C1orf74: variants seen among roughly 807,000 people sequenced by gnomAD.
C1orf74 encodes the protein UPF0739 protein C1orf74.
C1orf74 carries 5 observed loss-of-function variants against 7.3 expected under a neutral mutation model. The observed-to-expected ratio is 0.68, with a 90% CI of 0.36 to 1.44. The LOEUF is 1.44. C1orf74 is among the 40% of genes most tolerant of loss of function. The pLI is 0.04. For synonymous variants in C1orf74, 121 were observed against 132.5 expected (o/e 0.91, Z 0.59); for missense variants, 291 against 314.3 (o/e 0.93, Z 0.56).
In C1orf74 at chr1:209,782,879, A is replaced by C. The variant is rs758472952; in HGVS notation, c.756T>G (p.Phe252Leu). The C allele has an allele frequency of 1.2e-6, 2 of 1,614,046 alleles. No individual in the cohort carries two copies. Among genetic ancestry groups the C allele is most frequent in the African/African-American group, 2.7e-5 (2 of 74,924 alleles). The change falls in exon 2 of 2, where the codon TTT (phenylalanine) becomes TTG (leucine). Residue 252 changes from phenylalanine to leucine, a missense_variant. By Grantham distance (22) the Phe-to-Leu change is conservative. Coordinates refer to ENST00000294811, the MANE Select transcript of C1orf74 (RefSeq NM_152485.4). Reference sequence around the variant, plus strand: ...TCTCAGAGGAGATGCTGAGATCAGCAAAGTCATTCTGAGTCCTAAATCGGG... The same window carrying C: ...TCTCAGAGGAGATGCTGAGATCAGCCAAGTCATTCTGAGTCCTAAATCGGG... ...LRTRFRTQND[F>L]ADLSISSEIV...
rs2102520305 is a variant in C1orf74, at chr1:209,780,094, A to G, written c.*2731T>C. On this transcript the variant is annotated 3_prime_UTR_variant, in exon 2 of 2. Coordinates refer to ENST00000294811, the MANE Select transcript of C1orf74 (RefSeq NM_152485.4). Reference sequence around the variant, plus strand: ...ATGACTGCCATCTTCACAACTTTCAAATGAGGACATCAGGGAAAAGGGATT... The same window carrying G: ...ATGACTGCCATCTTCACAACTTTCAGATGAGGACATCAGGGAAAAGGGATT... The G allele has an allele frequency of 6.3e-6, 1 of 159,952 alleles. No individual in the cohort carries two copies. Among genetic ancestry groups the G allele is most frequent in the East Asian group, 1.8e-4 (1 of 5,446 alleles). 9.9% of individuals were successfully genotyped at this position (159,952 alleles called of 1,614,324 possible).
At position 209,782,896 on chromosome 1, in the gene C1orf74, T is replaced by A; in HGVS notation, c.739A>T (p.Arg247Trp). 6.2e-7 allele frequency: 1 copy of A among 1,614,180 alleles called. No homozygotes were observed. Among genetic ancestry groups the A allele is most frequent in the South Asian group, 1.1e-5 (1 of 91,078 alleles). ...TWEKDLRTRF[R>W]TQNDFADLSI... ...AGATCAGCAAAGTCATTCTGAGTCC[T>A]AAATCGGGTTCTGAGGTCCTTCTCC... Residue 247 changes from arginine (R) to tryptophan (W), a missense_variant, in exon 2 of 2, where the codon AGG (arginine) becomes TGG (tryptophan). By Grantham distance (101) the Arg-to-Trp change is moderately radical (BLOSUM62 -3). Coordinates refer to ENST00000294811, the MANE Select transcript of C1orf74 (RefSeq NM_152485.4).
Sources: gnomAD v4.1 joint callset for allele counts on GRCh38, gnomAD v4.1.1 for gene constraint, MANE v1.5 for transcripts, NCBI Gene and HGNC (gene_info 2026-07-23, HGNC 2026-07-21) for gene names.